The following ADCY2 variants were observed in gnomAD, a reference collection of about 807,000 sequenced individuals.
The protein encoded by ADCY2 is adenylate cyclase type 2.
A neutral mutation model predicts 125.2 loss-of-function variants in ADCY2; 31 were observed. The observed-to-expected ratio is 0.25, with a 90% CI of 0.19 to 0.33. ADCY2 has a LOEUF of 0.33. Among genes scored for constraint, ADCY2 ranks in the 10% least tolerant of loss-of-function variants. ADCY2 has a pLI of 1.00. For synonymous variants in ADCY2, 512 were observed against 548.4 expected (o/e 0.93, Z 0.93); for missense variants, 904 against 1,418.2 (o/e 0.64, Z 5.82).
At chr5:7,538,855 CTTTTCTTTTCTTTTTTT>C (rs1012038319) in intron 3 of ADCY2, among the ~76,000 whole-genome samples, 3 of 136,040 alleles carry the variant, frequency 2.2e-5, no homozygotes, top group Non-Finnish European at 3.1e-5. Context: ...TTTTTCTTTT[CTTTTCTTTTCTTTTTTT>C]TTTTTTTTTG....
intron 2 of ADCY2, among the ~76,000 whole-genome samples, chr5:7,501,289 G>A (rs1561060038): frequency 1.3e-5 from 2 of 152,120 alleles, no homozygotes; most frequent in Admixed American, 6.5e-5. Flanking sequence ...TTCCCTAGAG[G>A]TCCTAAGCAC....
At chr5:7,462,518 T>TA (rs1741951211) in intron 2 of ADCY2, among the ~76,000 whole-genome samples, 2 of 152,208 alleles carry the variant, frequency 1.3e-5, no homozygotes, top group Non-Finnish European at 2.9e-5. Context: ...CTCTCATTAT[T>TA]AAAAAATACA....
chr5:7,501,639 T>TCACCCCCCC (rs1743581411), intron 2 of ADCY2, among the ~76,000 whole-genome samples: 1 of 37,212 alleles, frequency 2.7e-5, no homozygotes, highest in African/African-American at 9.5e-5. Flanking sequence ...AGAATGAGAT[T>TCACCCCCCC]CCCCCCTCCC....
chr5:7,761,588 T>A (rs917663227), intron 16 of ADCY2, among the ~76,000 whole-genome samples: 37 of 152,222 alleles, frequency 2.4e-4, no homozygotes, highest in Admixed American at 2.3e-3. Context: ...TCATTAGTTA[T>A]TAAATGAAAG....
At chr5:7,555,600 A>C (rs887074060) in intron 3 of ADCY2, among the ~76,000 whole-genome samples, 4 of 152,194 alleles carry the variant, frequency 2.6e-5, no homozygotes, top group Non-Finnish European at 5.9e-5. Context: ...ACAGGGAGCT[A>C]ATTTGAAAGA....
At chr5:7,603,249 A>G (rs1015677172) in intron 3 of ADCY2, among the ~76,000 whole-genome samples, 1 of 152,174 alleles carries the variant, frequency 6.6e-6, no homozygotes, top group African/African-American at 2.4e-5. Flanking sequence ...GTGGATGTTC[A>G]GCGTCTGTAG....
chr5:7,495,105 T>C (rs987055285), intron 2 of ADCY2, among the ~76,000 whole-genome samples: 1 of 152,232 alleles, frequency 6.6e-6, no homozygotes, highest in Non-Finnish European at 1.5e-5. Flanking sequence ...AACCCATATT[T>C]AATATCCTGG....
chr5:7,714,488 G>T (rs1329831723), intron 11 of ADCY2, among the ~76,000 whole-genome samples: 1 of 152,238 alleles, frequency 6.6e-6, no homozygotes, highest in Non-Finnish European at 1.5e-5. Context: ...TTTGGTCTCT[G>T]CAGCGTTACT....
At chr5:7,519,114 C>T (rs769973152) in intron 2 of ADCY2, among the ~76,000 whole-genome samples, 7 of 152,174 alleles carry the variant, frequency 4.6e-5, no homozygotes, top group Non-Finnish European at 8.8e-5. Flanking sequence ...CTTTCCTGTG[C>T]TCTTTTGTGT....
At chr5:7,446,541 CATA>C in intron 2 of ADCY2, among the ~76,000 whole-genome samples, 1 of 124,422 alleles carries the variant, frequency 8.0e-6, no homozygotes. Flanking sequence ...GAAATAAATA[CATA>C]CATACATACA....
Position 7,816,901 on chromosome 5 carries a change from G to A in ADCY2, c.2919G>A (p.Met973Ile). 3 of 1,614,182 alleles carry A rather than the reference G, an allele frequency of 1.9e-6. No individual in the cohort carries two copies. In the South Asian group the frequency reaches 3.3e-5, roughly 18 times the overall value. ...GGCAGTACATGCACATTGGCACCAT[G>A]GTGGAGTTTGCTTTTGCCCTGGTAG... ...PERQYMHIGT[M>I]VEFAFALVGK... The change falls in exon 23 of 25, where the codon ATG (methionine) becomes ATA (isoleucine). Residue 973 changes from methionine (M) to isoleucine (I), a missense_variant. By Grantham distance (10) the Met-to-Ile change is conservative. Transcript: ENST00000338316.
chr5:7,441,334 A>G (rs1400622755), intron 2 of ADCY2, among the ~76,000 whole-genome samples: 1 of 152,162 alleles, frequency 6.6e-6, no homozygotes, highest in Non-Finnish European at 1.5e-5. Context: ...GGGGTATAAC[A>G]AGTATCAATT....
intron 4 of ADCY2, among the ~76,000 whole-genome samples, chr5:7,668,707 G>T (rs982891457): frequency 1.3e-5 from 2 of 152,170 alleles, no homozygotes; most frequent in African/African-American, 4.8e-5. Context: ...GGCATTACTT[G>T]TCTTATAGCT....
intron 3 of ADCY2, among the ~76,000 whole-genome samples, chr5:7,523,872 C>G (rs971788617): frequency 9.2e-5 from 14 of 152,318 alleles, no homozygotes; most frequent in Admixed American, 2.0e-4. Context: ...TATCACCCTG[C>G]CTTCTAAGCC....
At chr5:7,558,381 A>G (rs916423441) in intron 3 of ADCY2, among the ~76,000 whole-genome samples, 10 of 152,098 alleles carry the variant, frequency 6.6e-5, no homozygotes. Context: ...TAGCCATTCT[A>G]ACTAGTGTGA....
chr5:7,664,331 C>A (rs551372657), intron 4 of ADCY2, among the ~76,000 whole-genome samples: 27 of 152,184 alleles, frequency 1.8e-4, no homozygotes, highest in African/African-American at 6.0e-4. Flanking sequence ...AAGAACTATT[C>A]GTTTTTACAA....
At chr5:7,757,037 G>GT (rs1310465597) in intron 15 of ADCY2, among the ~76,000 whole-genome samples, 15 of 152,164 alleles carry the variant, frequency 9.9e-5, no homozygotes, top group Non-Finnish European at 1.0e-4. Flanking sequence ...TGTTAAAAGG[G>GT]TTAGGAGATG....
At chr5:7,446,179 G>C (rs1741242579) in intron 2 of ADCY2, among the ~76,000 whole-genome samples, 1 of 152,046 alleles carries the variant, frequency 6.6e-6, no homozygotes, top group East Asian at 1.9e-4. Flanking sequence ...TCTTTTACTG[G>C]ATGTTTTTAT....
chr5:7,403,133 G>A (rs375418560), intron 1 of ADCY2, among the ~76,000 whole-genome samples: 2 of 151,992 alleles, frequency 1.3e-5, no homozygotes, highest in South Asian at 2.1e-4. Context: ...GTATATGTGC[G>A]TGTGTGTGTT....
Sources: allele counts gnomAD v4.1 joint callset (sites outside exome capture counted in the v4.1 genomes callset), GRCh38; gene constraint gnomAD v4.1.1; transcripts MANE v1.5; gene names NCBI Gene and HGNC (gene_info 2026-07-23, HGNC 2026-07-21).